NKAIN3: variants seen among roughly 807,000 people sequenced by gnomAD.
NKAIN3 encodes the protein sodium/potassium transporting ATPase interacting 3.
In NKAIN3, 25 loss-of-function variants were observed where a neutral mutation model predicts 30.2. The ratio of observed to expected loss-of-function variants is 0.83; its 90% CI spans 0.60 to 1.16. NKAIN3 has a LOEUF of 1.16. NKAIN3 is among the 50% of genes most tolerant of loss of function. NKAIN3 has a pLI of 0.00. For missense variants in NKAIN3, 225 were observed against 254.1 expected, an observed-to-expected ratio of 0.89 and a Z score of 0.78; for synonymous variants, 91 against 89.6, an observed-to-expected ratio of 1.02 and a Z score of -0.09.
chr8:62,300,512 A>G (rs1814009611), intron 1 of NKAIN3, among the ~76,000 whole-genome samples: 1 of 152,158 alleles, frequency 6.6e-6, no homozygotes, highest in African/African-American at 2.4e-5. Context: ...ACCTTTTATT[A>G]TCACCTTTAA....
intron 1 of NKAIN3, among the ~76,000 whole-genome samples, chr8:62,562,021 G>A (rs1809597406): frequency 6.6e-6 from 1 of 152,126 alleles, no homozygotes; most frequent in African/African-American, 2.4e-5. Context: ...TGAGATGAAA[G>A]CTCAGGGTGT....
At chr8:62,681,756 T>C (rs1813651269) in intron 3 of NKAIN3, among the ~76,000 whole-genome samples, 1 of 152,206 alleles carries the variant, frequency 6.6e-6, no homozygotes, top group Non-Finnish European at 1.5e-5. Flanking sequence ...CCAGATAACA[T>C]ACTTGAATAT....
intron 4 of NKAIN3, among the ~76,000 whole-genome samples, chr8:62,776,070 T>C (rs537453684): frequency 1.3e-5 from 2 of 152,242 alleles, no homozygotes; most frequent in East Asian, 1.9e-4. Context: ...CTTATTTGCC[T>C]GATATAAATA....
intron 1 of NKAIN3, among the ~76,000 whole-genome samples, chr8:62,408,663 A>G (rs1272565771): frequency 6.6e-6 from 1 of 152,164 alleles, no homozygotes; most frequent in Non-Finnish European, 1.5e-5. Flanking sequence ...ATGTTTTTCA[A>G]AGATCTCTGT....
In NKAIN3 at chr8:62,292,468, A is replaced by G. The variant is rs183826559; in HGVS notation, c.54+43341A>G. Among the ~76,000 whole-genome samples, 49 of 152,218 alleles carry G rather than the reference A, an allele frequency of 3.2e-4. No homozygotes were observed. In the East Asian group the frequency reaches 8.7e-3, roughly 27 times the overall value. ...TCTCTCAGCTTTTGTTTGTCTGTAA[A>G]GGATTTTATTTCTCCTTCACTTATG... On this transcript the variant is annotated intron_variant, in intron 1 of 6. Coordinates refer to ENST00000623646, the MANE Select transcript of NKAIN3 (RefSeq NM_001304533.3).
At chr8:62,924,196 TC>T (rs1563630233) in intron 5 of NKAIN3, among the ~76,000 whole-genome samples, 1 of 152,106 alleles carries the variant, frequency 6.6e-6, no homozygotes, top group African/African-American at 2.4e-5. Flanking sequence ...AGAGGCCTCC[TC>T]CCTCTGTTGA....
intron 3 of NKAIN3, among the ~76,000 whole-genome samples, chr8:62,648,757 A>G (rs1473660311): frequency 1.3e-5 from 2 of 152,152 alleles, no homozygotes; most frequent in African/African-American, 2.4e-5. Flanking sequence ...TAGTTAATCT[A>G]GGCAGCTCTT....
At chr8:62,838,735 C>T (rs565953135) in intron 4 of NKAIN3, among the ~76,000 whole-genome samples, 9 of 152,124 alleles carry the variant, frequency 5.9e-5, no homozygotes, top group African/African-American at 2.2e-4. Context: ...ACAAAATAAT[C>T]GAAAATTATA....
chr8:62,962,996 A>T (rs1823613199), intron 6 of NKAIN3, among the ~76,000 whole-genome samples: 1 of 151,758 alleles, frequency 6.6e-6, no homozygotes, highest in Non-Finnish European at 1.5e-5. Context: ...GGTTCAAGGG[A>T]TTCTCCTGCC....
chr8:62,250,490 G>A (rs974230209), intron 1 of NKAIN3, among the ~76,000 whole-genome samples: 2 of 152,116 alleles, frequency 1.3e-5, no homozygotes, highest in Non-Finnish European at 1.5e-5. Context: ...AGAAAAGAAG[G>A]CAGGAGCTTG....
chr8:62,461,320 C>G (rs1805994888), intron 1 of NKAIN3, among the ~76,000 whole-genome samples: 1 of 152,222 alleles, frequency 6.6e-6, no homozygotes, highest in Non-Finnish European at 1.5e-5. Context: ...ACAAACACAA[C>G]TACAGCAAGA....
chr8:62,467,222 CAG>C (rs1645230407), intron 1 of NKAIN3, among the ~76,000 whole-genome samples: 1 of 152,154 alleles, frequency 6.6e-6, no homozygotes, highest in Admixed American at 6.5e-5. Flanking sequence ...CTAACCAAGT[CAG>C]AGATTCTGGT....
At chr8:62,307,118 G>A (rs1452945502) in intron 1 of NKAIN3, among the ~76,000 whole-genome samples, 2 of 149,788 alleles carry the variant, frequency 1.3e-5, no homozygotes, top group African/African-American at 2.5e-5. Context: ...TGAATCTCCT[G>A]CACCCCATGA....
chr8:62,760,683 G>A (rs917009221), intron 4 of NKAIN3, among the ~76,000 whole-genome samples: 1 of 151,574 alleles, frequency 6.6e-6, no homozygotes, highest in Non-Finnish European at 1.5e-5. Context: ...GTTAAATGAC[G>A]AGTTAATGGG....
At chr8:62,678,760 ATAGT>A (rs1292896120) in intron 3 of NKAIN3, among the ~76,000 whole-genome samples, 4 of 151,744 alleles carry the variant, frequency 2.6e-5, no homozygotes, top group African/African-American at 9.7e-5. Context: ...TATCTAGAAA[ATAGT>A]TAATCCATGC....
intron 3 of NKAIN3, among the ~76,000 whole-genome samples, chr8:62,642,850 T>C (rs992579424): frequency 3.3e-5 from 5 of 152,096 alleles, no homozygotes; most frequent in Admixed American, 1.3e-4. Context: ...TGCTAACATA[T>C]TGTAAACAGA....
At chr8:62,416,336 C>A (rs1189251713) in intron 1 of NKAIN3, among the ~76,000 whole-genome samples, 1 of 152,134 alleles carries the variant, frequency 6.6e-6, no homozygotes, top group Admixed American at 6.5e-5. Flanking sequence ...TTTTCTCTTG[C>A]ATTATTTTCT....
chr8:62,908,040 G>T (rs1246795916), intron 4 of NKAIN3, among the ~76,000 whole-genome samples: 1 of 152,150 alleles, frequency 6.6e-6, no homozygotes, highest in Non-Finnish European at 1.5e-5. Flanking sequence ...CCAGGATGGG[G>T]GTGATACCCT....
chr8:62,533,518 T>C (rs1808553288), intron 1 of NKAIN3, among the ~76,000 whole-genome samples: 1 of 152,178 alleles, frequency 6.6e-6, no homozygotes, highest in Admixed American at 6.5e-5. Context: ...GGCTTCAGGA[T>C]GCTTGGACCA....
Sources: gnomAD v4.1 joint callset for allele counts (sites outside exome capture counted in the v4.1 genomes callset) on GRCh38, gnomAD v4.1.1 for gene constraint, MANE v1.5 for transcripts, NCBI Gene and HGNC (gene_info 2026-07-23, HGNC 2026-07-21) for gene names.